The following RICTOR variants were observed in gnomAD, a reference collection of about 807,000 sequenced individuals.
The protein encoded by RICTOR is RPTOR independent companion of MTOR complex 2, also known as rapamycin-insensitive companion of mTOR.
RICTOR carries 49 observed loss-of-function variants against 214.9 expected under a neutral mutation model. That is an observed-to-expected ratio of 0.23 (90% CI 0.18 to 0.29). The LOEUF (loss-of-function observed/expected upper bound fraction) is 0.29, where lower values mean the gene tolerates loss of function less well. RICTOR is among the 10% of genes least tolerant of loss of function. The pLI, the probability that RICTOR is intolerant of heterozygous loss-of-function variation, is 1.00. For missense variants in RICTOR, 1,625 were observed against 2,047.0 expected (o/e 0.79, Z 3.98); for synonymous variants, 717 against 711.3 (o/e 1.01, Z -0.13).
chr5:38,993,139 T>C (rs1039435390), intron 6 of RICTOR, among the ~76,000 whole-genome samples: 3 of 152,176 alleles, frequency 2.0e-5, no homozygotes, highest in African/African-American at 4.8e-5. Flanking sequence ...AGTTGGCAGG[T>C]TGAACTTCAA....
chr5:38,980,767 G>C (rs1219729916), intron 8 of RICTOR: 1 of 152,200 alleles, frequency 6.6e-6, no homozygotes, highest in South Asian at 2.1e-4. Flanking sequence ...GATCGATTGA[G>C]TGCGGGAGGT....
At chr5:39,015,947 C>T (rs1754907838) in intron 3 of RICTOR, among the ~76,000 whole-genome samples, 1 of 152,070 alleles carries the variant, frequency 6.6e-6, no homozygotes, top group South Asian at 2.1e-4. Context: ...TGCAAGTCTC[C>T]ATCTGTTTCA....
At chr5:39,036,479 A>G (rs1756704283) in intron 2 of RICTOR, among the ~76,000 whole-genome samples, 1 of 152,228 alleles carries the variant, frequency 6.6e-6, no homozygotes, top group South Asian at 2.1e-4. Context: ...TTAACCTTAA[A>G]TGTAAATAGG....
intron 31 of RICTOR, among the ~76,000 whole-genome samples, chr5:38,949,094 G>A (rs1008534004): frequency 5.9e-5 from 9 of 151,952 alleles, no homozygotes; most frequent in Admixed American, 4.6e-4. Context: ...AAAATTATAG[G>A]TACAAAATTT....
At chr5:39,027,045 A>C (rs941083754) in intron 2 of RICTOR, among the ~76,000 whole-genome samples, 1 of 152,116 alleles carries the variant, frequency 6.6e-6, no homozygotes, top group Non-Finnish European at 1.5e-5. Flanking sequence ...CTCACATACT[A>C]ATTACTGAGC....
chr5:38,992,312 G>A (rs1752846810), intron 6 of RICTOR, among the ~76,000 whole-genome samples: 1 of 152,096 alleles, frequency 6.6e-6, no homozygotes, highest in South Asian at 2.1e-4. Context: ...ATCTTCCTGG[G>A]TGAAAGAATT....
At chr5:39,022,113 G>C (rs1408632529) in intron 2 of RICTOR, among the ~76,000 whole-genome samples, 2 of 152,156 alleles carry the variant, frequency 1.3e-5, no homozygotes, top group African/African-American at 4.8e-5. Flanking sequence ...CTTTGTGTTA[G>C]ATAGTCTTGC....
intron 3 of RICTOR, among the ~76,000 whole-genome samples, chr5:39,020,494 G>A (rs1755334666): frequency 6.6e-6 from 1 of 152,176 alleles, no homozygotes; most frequent in Non-Finnish European, 1.5e-5. Flanking sequence ...TGAAGGCTCA[G>A]ATGACTGTAT....
chr5:38,947,417 T>C lies in RICTOR; in HGVS notation c.4161A>G (p.Ala1387=). 1 of 1,611,000 alleles carries C rather than the reference T, an allele frequency of 6.2e-7. No homozygotes were observed. ...PSRFMKALSY[A]SLDKEDLLSP... Reference sequence around the variant, plus strand: ...TCAATAAATCTTCTTTATCTAATGATGCATAACTTAAGGCTTTCATGAACC... The same window carrying C: ...TCAATAAATCTTCTTTATCTAATGACGCATAACTTAAGGCTTTCATGAACC... The change falls in exon 32 of 38, where the codon GCA becomes GCG. Residue 1387 remains alanine (A), a synonymous_variant. Transcript: ENST00000357387.
Position 38,959,190 on chromosome 5 carries a change from C to T in RICTOR, c.2178+5G>A. The T allele has an allele frequency of 6.3e-7, 1 of 1,582,038 alleles. No homozygotes were observed. Among genetic ancestry groups the T allele is most frequent in the Non-Finnish European group, 8.6e-7 (1 of 1,165,446 alleles). On this transcript the variant is annotated splice_donor_5th_base_variant and intron_variant, in intron 22 of 37. Transcript: ENST00000357387. ...ATATAGTTTTACTGGCTATGTTATA[C>T]TCACATCAGTAGCTGCAGTTAAAAT...
intron 7 of RICTOR, among the ~76,000 whole-genome samples, chr5:38,984,456 G>T (rs1173699716): frequency 6.6e-6 from 1 of 151,312 alleles, no homozygotes; most frequent in Non-Finnish European, 1.5e-5. Context: ...CTTATTTTTT[G>T]CTTAATTATA....
chr5:38,994,419 T>TAAAA (rs869254811), intron 6 of RICTOR, among the ~76,000 whole-genome samples: 1 of 57,158 alleles, frequency 1.7e-5, no homozygotes. Context: ...AAGGTTTTAC[T>TAAAA]AAAAAAAAAA....
intron 36 of RICTOR, 179 bp from the exon 37 acceptor site, chr5:38,943,150 G>A: frequency 2.9e-6 from 1 of 347,062 alleles, no homozygotes; most frequent in Non-Finnish European, 4.8e-6. Flanking sequence ...TAGACATTCT[G>A]AGTTTGGGTT....
At chr5:39,037,882 C>T (rs1756855073) in intron 2 of RICTOR, among the ~76,000 whole-genome samples, 1 of 152,188 alleles carries the variant, frequency 6.6e-6, no homozygotes, top group Non-Finnish European at 1.5e-5. Flanking sequence ...CCAAGTTCTA[C>T]CAGAAGTACA....
At chr5:38,982,449 AT>A (rs1216278062) in intron 7 of RICTOR, among the ~76,000 whole-genome samples, 1 of 152,188 alleles carries the variant, frequency 6.6e-6, no homozygotes, top group African/African-American at 2.4e-5. Context: ...CAGTTTAATA[AT>A]TTTAAGCTCA....
intron 31 of RICTOR, chr5:38,949,368 T>G (rs1347313909): frequency 1.3e-6 from 2 of 1,584,244 alleles, no homozygotes; most frequent in Non-Finnish European, 1.7e-6. Flanking sequence ...GAAAAGGTTG[T>G]TTGTTATTGT....
intron 2 of RICTOR, among the ~76,000 whole-genome samples, chr5:39,047,923 A>C (rs1276418375): frequency 6.6e-6 from 1 of 152,196 alleles, no homozygotes; most frequent in African/African-American, 2.4e-5. Flanking sequence ...GTGAAGTATA[A>C]ATTTAGATCT....
chr5:38,995,054 G>A (rs1753078816), intron 6 of RICTOR, among the ~76,000 whole-genome samples: 1 of 152,170 alleles, frequency 6.6e-6, no homozygotes, highest in Admixed American at 6.5e-5. Context: ...AAGCAAATAT[G>A]ATAATCCAAT....
intron 2 of RICTOR, among the ~76,000 whole-genome samples, chr5:39,057,534 G>T (rs564551815): frequency 6.6e-6 from 1 of 152,096 alleles, no homozygotes; most frequent in South Asian, 2.1e-4. Flanking sequence ...AAAATGGTTG[G>T]AAAAAGGAAA....
Sources: allele counts gnomAD v4.1 joint callset (sites outside exome capture counted in the v4.1 genomes callset), GRCh38; gene constraint gnomAD v4.1.1; transcripts MANE v1.5; gene names NCBI Gene and HGNC (gene_info 2026-07-23, HGNC 2026-07-21).